The following ATP13A4 variants were observed in gnomAD, a reference collection of about 807,000 sequenced individuals.
The protein encoded by ATP13A4 is probable cation-transporting ATPase 13A4.
ATP13A4 carries 114 observed loss-of-function variants against 142.5 expected under a neutral mutation model. The ratio of observed to expected loss-of-function variants is 0.80; its 90% CI spans 0.69 to 0.93. ATP13A4 has a LOEUF of 0.93. Among genes scored for constraint, ATP13A4 ranks in the 40% least tolerant of loss-of-function variants. The pLI, the probability that ATP13A4 is intolerant of heterozygous loss-of-function variation, is 0.00. For synonymous variants in ATP13A4, 488 were observed against 514.8 expected (o/e 0.95, Z 0.70); for missense variants, 1,392 against 1,454.0 (o/e 0.96, Z 0.69).
Position 193,440,567 on chromosome 3 carries a change from T to G in ATP13A4, c.2510A>C (p.Gln837Pro). The G allele has an allele frequency of 6.2e-7, 1 of 1,613,970 alleles. No individual in the cohort carries two copies. The highest frequency in any genetic ancestry group is 8.5e-7 in the Non-Finnish European group (1 of 1,179,816). ...CTGGCAAAGAACCTACTCCAGTTTC[T>G]GAAATTCTTCCACCAGACTGGACTT... ...GQKSSLVEEF[Q>P]KLDYFVGMCG... Residue 837 changes from glutamine to proline, a missense_variant, in exon 21 of 30, where the codon CAG becomes CCG. Gln to Pro is a moderately conservative substitution (Grantham distance 76, BLOSUM62 -1). Coordinates refer to ENST00000342695, the MANE Select transcript of ATP13A4 (RefSeq NM_032279.4).
At position 193,514,761 on chromosome 3, in the gene ATP13A4, G is replaced by A. The variant is rs376094537; in HGVS notation, c.171C>T (p.His57=). The stretch of plus-strand genomic sequence containing the variant: ...AACATGGGACACAATGTGCCCATAC[G>A]TGCCATGCTGGTCTCCAGTAAAACA... The part of the protein sequence containing the change: ...PLVFYWRPAW[H]VWAHCVPCSL... Residue 57 remains histidine, a synonymous_variant, in exon 2 of 30, where the codon CAC becomes CAT. Coordinates refer to ENST00000342695, the MANE Select transcript of ATP13A4 (RefSeq NM_032279.4). 8.1e-6 allele frequency: 13 copies of A among 1,614,076 alleles called. No homozygotes were observed. Among genetic ancestry groups the A allele is most frequent in the South Asian group, 3.3e-5 (3 of 91,084 alleles).
At chr3:193,488,525 A>T (rs987222977) in intron 7 of ATP13A4, among the ~76,000 whole-genome samples, 18 of 151,420 alleles carry the variant, frequency 1.2e-4, no homozygotes, top group African/African-American at 4.4e-4. Context: ...CTGTTAAGGA[A>T]AAAAACAGCT....
At chr3:193,582,144 CTTTTCTT>C (rs1293851677) in intron 1 of ATP13A4, among the ~76,000 whole-genome samples, 5 of 111,388 alleles carry the variant, frequency 4.5e-5, no homozygotes, top group African/African-American at 3.6e-5. Context: ...GTATACTTTT[CTTTTCTT>C]TTTTTTTTTT....
chr3:193,440,941 A>C (rs1716594682), intron 20 of ATP13A4, among the ~76,000 whole-genome samples: 1 of 152,168 alleles, frequency 6.6e-6, no homozygotes, highest in Non-Finnish European at 1.5e-5. Flanking sequence ...TCTTGAGCTT[A>C]ATGGAACCTT....
intron 23 of ATP13A4, among the ~76,000 whole-genome samples, chr3:193,438,121 T>G (rs893573203): frequency 6.6e-6 from 1 of 152,150 alleles, no homozygotes; most frequent in African/African-American, 2.4e-5. Flanking sequence ...CGTGAGCCAC[T>G]GCGCCCGGCC....
chr3:193,528,216 G>C (rs1722117845), intron 1 of ATP13A4, among the ~76,000 whole-genome samples: 1 of 152,198 alleles, frequency 6.6e-6, no homozygotes, highest in Non-Finnish European at 1.5e-5. Flanking sequence ...CCCATGCTTG[G>C]CCCCAGGAAT....
upstream of ATP13A4, among the ~76,000 whole-genome samples, chr3:193,556,133 ACAAAC>A (rs1723878598): frequency 2.6e-5 from 4 of 152,238 alleles, no homozygotes; most frequent in African/African-American, 7.2e-5. Flanking sequence ...AACAAGTTAT[ACAAAC>A]TCCATTCTCC....
At chr3:193,567,755 T>C (rs539676036) in intron 2 of ATP13A4, among the ~76,000 whole-genome samples, 141 of 152,246 alleles carry the variant, frequency 9.3e-4, no homozygotes, top group Non-Finnish European at 1.4e-3. Flanking sequence ...GGATTTTTTA[T>C]CTCAGTGATA....
At chr3:193,554,604 G>T in intron 1 of ATP13A4, 136 bp downstream of exon 1, 1 of 1,119,904 alleles carries the variant, frequency 8.9e-7, no homozygotes, top group Non-Finnish European at 1.3e-6. Flanking sequence ...CTTTTCTCGT[G>T]TAATACCAGA....
rs202183512 is a variant in ATP13A4, at chr3:193,448,380, C to CT, written c.2028-51dup. 2.0e-3 allele frequency: 3,096 copies of CT among 1,587,348 alleles called. 42 individuals are homozygous for CT. The African/African-American group carries it at 0.034, about 17-fold the overall frequency. Reference sequence around the variant, plus strand: ...TGAACAGAAATAACACATATTACAGCTTTTTTTTTGAGACGGAGTCTCGCT... The same window carrying CT: ...TGAACAGAAATAACACATATTACAGCTTTTTTTTTTGAGACGGAGTCTCGCT... On this transcript the variant is annotated intron_variant, in intron 17 of 29. Transcript: ENST00000342695.
intron 1 of ATP13A4, among the ~76,000 whole-genome samples, chr3:193,584,963 C>T (rs34023161): frequency 0.52 from 79,027 of 151,982 alleles, 21,310 homozygotes; most frequent in African/African-American, 0.65. Flanking sequence ...CAATGTTCCT[C>T]CCCACTCTCC....
chr3:193,401,150 C>T lies in ATP13A4; in HGVS notation c.*1502G>A, dbSNP rs1300462339. 2.0e-5 allele frequency among the ~76,000 whole-genome samples: 3 copies of T among 152,146 alleles called. 1 individual carries two copies. Among genetic ancestry groups the T allele is most frequent in the Admixed American group, 6.5e-5 (1 of 15,270 alleles). The stretch of plus-strand genomic sequence containing the variant: ...CAAATGCTATTGATAAGTTCCAAAG[C>T]CAGCCTGGGCCAGGACACTTATCCC... On this transcript the variant is annotated 3_prime_UTR_variant, in exon 30 of 30. Transcript: ENST00000342695.
chr3:193,502,722 A>G (rs1437583800), intron 2 of ATP13A4, 83 bp from the exon 3 acceptor site: 1 of 1,384,888 alleles, frequency 7.2e-7, no homozygotes, highest in Non-Finnish European at 1.0e-6. Context: ...TCATTTTAAT[A>G]TAATTCTGTA....
At chr3:193,508,977 T>A in intron 2 of ATP13A4, among the ~76,000 whole-genome samples, 1 of 136,988 alleles carries the variant, frequency 7.3e-6, no homozygotes, top group African/African-American at 2.7e-5. Flanking sequence ...GCTTATAATC[T>A]AGACTGTCCA....
chr3:193,493,019 G>C (rs1198546919), intron 4 of ATP13A4, 22 bp from the exon 5 acceptor site: 8 of 1,602,164 alleles, frequency 5.0e-6, no homozygotes, highest in Non-Finnish European at 6.8e-6. Context: ...ATAATGAAAA[G>C]AACATATTTA....
intron 1 of ATP13A4, among the ~76,000 whole-genome samples, chr3:193,582,426 C>T (rs1724568367): frequency 1.3e-5 from 2 of 148,280 alleles, no homozygotes; most frequent in Admixed American, 1.4e-4. Context: ...GGACTACAGG[C>T]GTGAGCCACC....
At chr3:193,554,653 CGT>C (rs58073069) in intron 1 of ATP13A4, 85 bp downstream of exon 1, 34,154 of 1,223,542 alleles carry the variant, frequency 0.028, 143 homozygotes, top group Admixed American at 0.059. Context: ...GTGATGCGTG[CGT>C]GTGTGTGTGT....
chr3:193,578,352 T>C (rs1160410958), intron 2 of ATP13A4, among the ~76,000 whole-genome samples: 3 of 152,102 alleles, frequency 2.0e-5, no homozygotes, highest in African/African-American at 4.8e-5. Context: ...TCTATCTATC[T>C]ATCTATTGCA....
intron 7 of ATP13A4, among the ~76,000 whole-genome samples, chr3:193,484,333 A>G (rs1410690290): frequency 6.6e-6 from 1 of 151,238 alleles, no homozygotes; most frequent in Non-Finnish European, 1.5e-5. Context: ...AAATAAATAA[A>G]TAAATAAATA....
Sources: gnomAD v4.1 joint callset for allele counts (sites outside exome capture counted in the v4.1 genomes callset) on GRCh38, gnomAD v4.1.1 for gene constraint, MANE v1.5 for transcripts, NCBI Gene and HGNC (gene_info 2026-07-23, HGNC 2026-07-21) for gene names.